The following GALNT13 variants were observed in gnomAD, a reference collection of about 807,000 sequenced individuals.
The protein encoded by GALNT13 is polypeptide N-acetylgalactosaminyltransferase 13, also known as UDP-GalNAc:polypeptide N-acetylgalactosaminyltransferase 13.
Under a neutral mutation model 64.2 loss-of-function variants are expected in GALNT13, and 28 were observed. That is an observed-to-expected ratio of 0.44 (90% CI 0.32 to 0.60). GALNT13 has a LOEUF of 0.60. Ranked by LOEUF, GALNT13 falls within the 20% of genes least tolerant of loss-of-function variation. GALNT13 has a pLI of 0.05. For missense variants in GALNT13, 577 were observed against 669.8 expected (o/e 0.86, Z 1.53); for synonymous variants, 214 against 224.6 (o/e 0.95, Z 0.42).
At chr2:153,331,050 T>C in the GALNT13 span, among the ~76,000 whole-genome samples, 1 of 152,194 alleles carries the variant, frequency 6.6e-6, no homozygotes, top group Non-Finnish European at 1.5e-5. Context: ...GGCTTTGGTT[T>C]TTAACTCTAT....
the GALNT13 span, among the ~76,000 whole-genome samples, chr2:153,806,447 T>C: frequency 6.6e-6 from 1 of 152,054 alleles, no homozygotes; most frequent in African/African-American, 2.4e-5. Context: ...CTCTTTATAA[T>C]AATATTCTAA....
chr2:153,664,772 T>C, the GALNT13 span, among the ~76,000 whole-genome samples: 1 of 152,194 alleles, frequency 6.6e-6, no homozygotes, highest in Admixed American at 6.6e-5. Context: ...CCAGTCCCTC[T>C]GTTCGGGGTC....
chr2:153,804,803 T>G, the GALNT13 span, among the ~76,000 whole-genome samples: 15 of 152,082 alleles, frequency 9.9e-5, no homozygotes, highest in Non-Finnish European at 2.1e-4. Flanking sequence ...CATGTCTACA[T>G]AAAATGAAAG....
intron 3 of GALNT13, among the ~76,000 whole-genome samples, chr2:154,034,465 CAA>C (rs1698534770): frequency 6.6e-6 from 1 of 152,118 alleles, no homozygotes; most frequent in Non-Finnish European, 1.5e-5. Flanking sequence ...TTAAGGCATA[CAA>C]GAGCAATTTT....
chr2:153,512,265 G>A, the GALNT13 span, among the ~76,000 whole-genome samples: 1 of 152,162 alleles, frequency 6.6e-6, no homozygotes, highest in Non-Finnish European at 1.5e-5. Flanking sequence ...GTGGCAGGTG[G>A]TGTAGACTTC....
chr2:153,119,672 C>T, the GALNT13 span, among the ~76,000 whole-genome samples: 1 of 152,160 alleles, frequency 6.6e-6, no homozygotes, highest in Non-Finnish European at 1.5e-5. Context: ...AGCCATGTTG[C>T]CTATGCGCAT....
chr2:153,216,005 C>G, the GALNT13 span, among the ~76,000 whole-genome samples: 60 of 152,008 alleles, frequency 3.9e-4, 1 homozygote, highest in Non-Finnish European at 7.4e-4. Context: ...CCACTCCAAC[C>G]CATGGTAACT....
the GALNT13 span, among the ~76,000 whole-genome samples, chr2:153,124,434 A>G: frequency 6.6e-6 from 1 of 152,194 alleles, no homozygotes; most frequent in Admixed American, 6.5e-5. Flanking sequence ...TTTTTCTCCA[A>G]GTTTGGAAAT....
intron 1 of GALNT13, among the ~76,000 whole-genome samples, chr2:153,896,553 T>G (rs1687909072): frequency 6.6e-6 from 1 of 152,038 alleles, no homozygotes; most frequent in Non-Finnish European, 1.5e-5. Flanking sequence ...GATTTTGAAT[T>G]ATTTTTTAAC....
intron 2 of GALNT13, among the ~76,000 whole-genome samples, chr2:153,915,860 A>G (rs6741566): frequency 0.18 from 28,014 of 152,136 alleles, 4,756 homozygotes; most frequent in East Asian, 0.74. Flanking sequence ...CCCCTCATCA[A>G]AGAGATTACC....
At chr2:154,052,797 C>T (rs1182388167) in intron 3 of GALNT13, among the ~76,000 whole-genome samples, 2 of 146,456 alleles carry the variant, frequency 1.4e-5, no homozygotes, top group African/African-American at 2.5e-5. Context: ...AGTGCAGTGG[C>T]ACGATCTTGG....
intron 3 of GALNT13, among the ~76,000 whole-genome samples, chr2:154,061,202 T>G (rs1700163416): frequency 6.6e-6 from 1 of 152,168 alleles, no homozygotes; most frequent in South Asian, 2.1e-4. Context: ...TCTTTTTATC[T>G]TAGTAATATA....
chr2:154,126,638 A>C (rs565762042), intron 3 of GALNT13, among the ~76,000 whole-genome samples: 8 of 125,316 alleles, frequency 6.4e-5, no homozygotes, highest in Non-Finnish European at 8.7e-5. Flanking sequence ...CCGTCTCAAA[A>C]AAACAAAAAA....
chr2:153,519,644 G>T, the GALNT13 span, among the ~76,000 whole-genome samples: 1 of 151,984 alleles, frequency 6.6e-6, no homozygotes, highest in African/African-American at 2.4e-5. Context: ...GCTCACTTTT[G>T]CTATAAAAGA....
At chr2:153,841,760 A>C in the GALNT13 span, among the ~76,000 whole-genome samples, 1 of 152,226 alleles carries the variant, frequency 6.6e-6, no homozygotes, top group East Asian at 1.9e-4. Context: ...AGTTTAATGT[A>C]TAACTTCTGA....
chr2:153,121,098 A>G, the GALNT13 span, among the ~76,000 whole-genome samples: 6 of 152,148 alleles, frequency 3.9e-5, no homozygotes, highest in Non-Finnish European at 8.8e-5. Flanking sequence ...GAAAAACATG[A>G]TGGCATTCTT....
intron 4 of GALNT13, among the ~76,000 whole-genome samples, chr2:154,216,802 CTTTTTTTTT>C (rs397872685): frequency 1.4e-5 from 1 of 71,296 alleles, no homozygotes; most frequent in Admixed American, 1.8e-4. Context: ...TTCTCTCTCT[CTTTTTTTTT>C]TTTTTTTTTT....
the GALNT13 span, among the ~76,000 whole-genome samples, chr2:153,350,456 C>T: frequency 1.4e-5 from 2 of 144,416 alleles, no homozygotes; most frequent in African/African-American, 5.2e-5. Flanking sequence ...GATCTTGGCT[C>T]ATTGCAACCT....
At chr2:153,646,113 A>G in the GALNT13 span, among the ~76,000 whole-genome samples, 9 of 152,068 alleles carry the variant, frequency 5.9e-5, no homozygotes, top group African/African-American at 2.2e-4. Flanking sequence ...AATGGTGAAG[A>G]TACAACTTAA....
Sources: allele counts gnomAD v4.1 joint callset (sites outside exome capture counted in the v4.1 genomes callset), GRCh38; gene constraint gnomAD v4.1.1; transcripts MANE v1.5; gene names NCBI Gene and HGNC (gene_info 2026-07-23, HGNC 2026-07-21).